Variants in RAD54L2 observed in about 807,000 individuals in gnomAD.
RAD54L2 encodes the protein RAD54 like 2.
A neutral mutation model predicts 138.4 loss-of-function variants in RAD54L2; 27 were observed. The ratio of observed to expected loss-of-function variants is 0.20; its 90% CI spans 0.14 to 0.27. RAD54L2 has a LOEUF of 0.27. RAD54L2 is among the 10% of genes least tolerant of loss of function. The pLI, the probability that RAD54L2 is intolerant of heterozygous loss-of-function variation, is 1.00. For missense variants in RAD54L2, 1,396 were observed against 1,890.2 expected (o/e 0.74, Z 4.85); for synonymous variants, 644 against 723.2 (o/e 0.89, Z 1.76).
At chr3:51,597,180 A>C (rs1397652127) in intron 3 of RAD54L2, among the ~76,000 whole-genome samples, 1 of 151,308 alleles carries the variant, frequency 6.6e-6, no homozygotes, top group Non-Finnish European at 1.5e-5. Flanking sequence ...AAAAAAAAAA[A>C]AAAAAAAAAC....
chr3:51,593,785 AAT>A (rs1174972537), intron 3 of RAD54L2, among the ~76,000 whole-genome samples: 2 of 151,978 alleles, frequency 1.3e-5, no homozygotes, highest in African/African-American at 2.4e-5. Context: ...TTTTCTTTGT[AAT>A]TTCTACTTTC....
At chr3:51,654,117 G>A (rs1184030299) in intron 19 of RAD54L2, among the ~76,000 whole-genome samples, 2 of 151,100 alleles carry the variant, frequency 1.3e-5, no homozygotes, top group Non-Finnish European at 3.0e-5. Context: ...GTGTGATCTC[G>A]GCTCACTGCA....
intron 19 of RAD54L2, among the ~76,000 whole-genome samples, chr3:51,651,379 C>T (rs1323424770): frequency 2.4e-4 from 37 of 152,174 alleles, no homozygotes; most frequent in Admixed American, 2.4e-3. Context: ...TGGTACCATT[C>T]CTTCTGAAAC....
chr3:51,547,366 ACT>A (rs1425352248), intron 2 of RAD54L2, among the ~76,000 whole-genome samples: 5 of 150,846 alleles, frequency 3.3e-5, no homozygotes, highest in Non-Finnish European at 7.4e-5. Context: ...ACAGAGTAAG[ACT>A]CTGCCTCAAA....
chr3:51,637,079 C>A lies in RAD54L2; in HGVS notation c.1340-82C>A. 8.1e-7 allele frequency: 1 copy of A among 1,228,390 alleles called. No homozygotes were observed. Among genetic ancestry groups the A allele is most frequent in the Non-Finnish European group, 1.2e-6 (1 of 863,454 alleles). 76.1% of individuals were successfully genotyped at this position (1,228,390 alleles called of 1,614,324 possible). A position where few individuals can be genotyped will look rare whatever the true frequency, so the allele number is the denominator to read the frequency against. ...CTTCCTTCATTTCTTCTGTCTCCTC[C>A]AGGGTGCACCCCTACTTCTCATATT... On this transcript the variant is annotated intron_variant, in intron 10 of 22. Coordinates refer to ENST00000684192, the MANE Select transcript of RAD54L2 (RefSeq NM_015106.4). This position sits in a 1 kb window ranked among gnomAD's most constrained non-coding sequence, Gnocchi z 5.9.
intron 3 of RAD54L2, among the ~76,000 whole-genome samples, chr3:51,627,110 A>C (rs1463459208): frequency 6.6e-6 from 1 of 152,178 alleles, no homozygotes; most frequent in Non-Finnish European, 1.5e-5. Context: ...AATGATTGGC[A>C]AGTTTGAGTG....
At position 51,639,416 on chromosome 3, in the gene RAD54L2, C is replaced by T; in HGVS notation, c.1861-3C>T. 6.2e-7 allele frequency: 1 copy of T among 1,613,504 alleles called. No individual in the cohort carries two copies. The highest frequency in any genetic ancestry group is 1.7e-5 in the Admixed American group (1 of 60,000). Reference sequence around the variant, plus strand: ...GTCTCCTCTCCCTTTCCTTGAACCTCAGATCTGGAATCACCCTGATGTGCT... The same window carrying T: ...GTCTCCTCTCCCTTTCCTTGAACCTTAGATCTGGAATCACCCTGATGTGCT... On this transcript the variant is annotated splice_polypyrimidine_tract_variant and splice_region_variant and intron_variant, in intron 12 of 22. Coordinates refer to ENST00000684192, the MANE Select transcript of RAD54L2 (RefSeq NM_015106.4).
chr3:51,570,912 CAG>C (rs1699325116), intron 2 of RAD54L2, among the ~76,000 whole-genome samples: 1 of 151,996 alleles, frequency 6.6e-6, no homozygotes, highest in South Asian at 2.1e-4. Flanking sequence ...GTCTTCGTCT[CAG>C]GGGTTCAAGC....
At chr3:51,643,523 A>G (rs1175760187) in intron 15 of RAD54L2, among the ~76,000 whole-genome samples, 2 of 152,176 alleles carry the variant, frequency 1.3e-5, no homozygotes, top group Non-Finnish European at 2.9e-5. Context: ...ACTCACCAGG[A>G]CTCACAAGGC....
chr3:51,637,034 G>A lies in RAD54L2; in HGVS notation c.1340-127G>A. On this transcript the variant is annotated intron_variant, in intron 10 of 22. Coordinates refer to ENST00000684192, the MANE Select transcript of RAD54L2 (RefSeq NM_015106.4). This position sits in a 1 kb window ranked among gnomAD's most constrained non-coding sequence, Gnocchi z 5.9. ...TGGCTGGCACCCTCTCACCAAGGGG[G>A]GCTGACTCTTGCTTTCCTGCTTCCT... is the stretch of plus-strand genomic sequence containing the variant. 2 of 811,280 alleles carry A rather than the reference G, an allele frequency of 2.5e-6. No homozygotes were observed. The highest frequency in any genetic ancestry group is 4.0e-6 in the Non-Finnish European group (2 of 502,024). The allele number at this position is 811,280 out of a possible 1,614,324, so 50.3% of individuals were successfully genotyped here.
chr3:51,565,110 T>A (rs1699184432), intron 2 of RAD54L2, among the ~76,000 whole-genome samples: 6 of 152,184 alleles, frequency 3.9e-5, no homozygotes, highest in Admixed American at 3.9e-4. Context: ...GAAGCCTGCA[T>A]GAGTTGCTAG....
chr3:51,609,473 C>T (rs1205901819), intron 3 of RAD54L2, among the ~76,000 whole-genome samples: 2 of 152,174 alleles, frequency 1.3e-5, no homozygotes, highest in African/African-American at 4.8e-5. Flanking sequence ...CATTAAGGTT[C>T]TGAAGGGATC....
At chr3:51,627,935 T>G (rs1220372484) in intron 4 of RAD54L2, among the ~76,000 whole-genome samples, 181 bp downstream of exon 4, 1 of 152,198 alleles carries the variant, frequency 6.6e-6, no homozygotes, top group East Asian at 1.9e-4. Context: ...GACTTGGGCA[T>G]TCAGAGGACT....
intron 2 of RAD54L2, among the ~76,000 whole-genome samples, chr3:51,572,452 T>TAAA (rs529261675): frequency 1.8e-5 from 2 of 109,528 alleles, no homozygotes; most frequent in Admixed American, 9.6e-5. Flanking sequence ...GACTCCGTCT[T>TAAA]AAAAAAAAAA....
chr3:51,540,683 G>A (rs973379749), intron 1 of RAD54L2, among the ~76,000 whole-genome samples: 4 of 152,218 alleles, frequency 2.6e-5, no homozygotes, highest in African/African-American at 9.6e-5. Flanking sequence ...GTTTGTAGTT[G>A]TACTGATAGT....
chr3:51,589,707 C>T (rs1208915274), intron 2 of RAD54L2, among the ~76,000 whole-genome samples: 1 of 151,112 alleles, frequency 6.6e-6, no homozygotes, highest in Non-Finnish European at 1.5e-5. Context: ...CACACACACA[C>T]ATACACACAC....
At chr3:51,551,972 A>T (rs1227698482) in intron 2 of RAD54L2, among the ~76,000 whole-genome samples, 1 of 151,726 alleles carries the variant, frequency 6.6e-6, no homozygotes, top group Non-Finnish European at 1.5e-5. Context: ...GGATGATCTC[A>T]ATCTCTTGAC....
intron 2 of RAD54L2, among the ~76,000 whole-genome samples, chr3:51,574,421 A>G (rs1411852719): frequency 6.6e-6 from 1 of 152,210 alleles, no homozygotes; most frequent in African/African-American, 2.4e-5. Flanking sequence ...GAATCGCCAC[A>G]CTGTCTTCCA....
intron 18 of RAD54L2, 125 bp from the exon 19 acceptor site, chr3:51,646,159 CT>C (rs748949124): frequency 1.2e-6 from 1 of 809,272 alleles, no homozygotes; most frequent in Non-Finnish European, 2.0e-6. Context: ...GTAAACCTGC[CT>C]GTGTATCTCT....
Sources: allele counts gnomAD v4.1 joint callset (sites outside exome capture counted in the v4.1 genomes callset), GRCh38; gene constraint gnomAD v4.1.1; non-coding constraint Gnocchi (gnomAD v3.1); transcripts MANE v1.5; gene names NCBI Gene and HGNC (gene_info 2026-07-23, HGNC 2026-07-21).